FRY: variants seen among roughly 807,000 people sequenced by gnomAD.
FRY encodes protein furry homolog.
A neutral mutation model predicts 348.4 loss-of-function variants in FRY; 128 were observed. The ratio of observed to expected loss-of-function variants is 0.37; its 90% CI spans 0.32 to 0.43. FRY has a LOEUF of 0.43. Ranked by LOEUF, FRY falls within the 20% of genes least tolerant of loss-of-function variation. The pLI is 1.00. For missense variants in FRY, 2,736 were observed against 3,695.2 expected, an observed-to-expected ratio of 0.74 and a Z score of 6.73; for synonymous variants, 1,370 against 1,374.7, an observed-to-expected ratio of 1.00 and a Z score of 0.08.
intron 13 of FRY, 58 bp downstream of exon 13, chr13:32,148,005 CCTT>C (rs1466455721): frequency 1.0e-6 from 1 of 956,144 alleles, no homozygotes; most frequent in Non-Finnish European, 1.7e-6. Context: ...CAGCCAGCCT[CCTT>C]CTTATGAAGT....
intron 49 of FRY, 69 bp downstream of exon 49, chr13:32,249,756 A>T: frequency 7.2e-7 from 1 of 1,395,116 alleles, no homozygotes; most frequent in Non-Finnish European, 1.0e-6. Flanking sequence ...TGGCTGGGTC[A>T]TAAGGGATTC....
At chr13:32,051,355 A>G (rs1201244528) in intron 1 of FRY, among the ~76,000 whole-genome samples, 3 of 152,186 alleles carry the variant, frequency 2.0e-5, no homozygotes, top group Non-Finnish European at 2.9e-5. Flanking sequence ...GGGAGTGGTG[A>G]GATGACTGGC....
chr13:32,255,444 G>A (rs1455534408), intron 51 of FRY, among the ~76,000 whole-genome samples: 1 of 152,186 alleles, frequency 6.6e-6, no homozygotes, highest in Admixed American at 6.5e-5. Context: ...TGAAGCCAAA[G>A]AGCCCTTTGC....
chr13:32,271,371 T>C (rs887829543), intron 55 of FRY, among the ~76,000 whole-genome samples: 3 of 152,182 alleles, frequency 2.0e-5, no homozygotes, highest in Admixed American at 6.6e-5. Flanking sequence ...AGACTACTTA[T>C]GAGAGCTCAC....
chr13:32,245,330 G>T (rs1446208164), intron 47 of FRY, among the ~76,000 whole-genome samples: 2 of 151,912 alleles, frequency 1.3e-5, no homozygotes, highest in Non-Finnish European at 2.9e-5. Flanking sequence ...TCAAGGCCAG[G>T]TGCAGTGGCT....
At chr13:32,235,969 T>A in intron 42 of FRY, 109 bp from the exon 43 acceptor site, 1 of 847,578 alleles carries the variant, frequency 1.2e-6, no homozygotes, top group South Asian at 1.4e-5. Flanking sequence ...CTTCATAAAT[T>A]AAAGCAGCAA....
intron 36 of FRY, among the ~76,000 whole-genome samples, chr13:32,219,051 C>A (rs1885163987): frequency 1.3e-5 from 2 of 150,520 alleles, no homozygotes; most frequent in Admixed American, 1.3e-4. Context: ...ATTCAAACTA[C>A]CATCCACTCC....
chr13:32,066,761 C>G (rs534136941), intron 1 of FRY, among the ~76,000 whole-genome samples: 1 of 152,178 alleles, frequency 6.6e-6, no homozygotes, highest in Non-Finnish European at 1.5e-5. Context: ...TTCCAGAAAC[C>G]CACTGGCTCC....
intron 57 of FRY, among the ~76,000 whole-genome samples, chr13:32,277,696 T>G (rs566832717): frequency 4.6e-5 from 7 of 152,390 alleles, no homozygotes; most frequent in African/African-American, 1.4e-4. Flanking sequence ...ATTGCTGTTA[T>G]TGATGTTATC....
At position 32,131,739 on chromosome 13, in the gene FRY, T is replaced by C. The variant is rs866302626; in HGVS notation, c.784T>C (p.Tyr262His). 6.2e-7 allele frequency: 1 copy of C among 1,612,732 alleles called. No individual in the cohort carries two copies. Among genetic ancestry groups the C allele is most frequent in the Admixed American group, 1.7e-5 (1 of 60,006 alleles). The change falls in exon 8 of 61, where the codon TAT becomes CAT. Residue 262 changes from tyrosine to histidine, a missense_variant. Physicochemically the swap from Tyr to His is moderately conservative, Grantham distance 83. Coordinates refer to ENST00000542859, the MANE Select transcript of FRY (RefSeq NM_023037.3). The stretch of plus-strand genomic sequence containing the variant: ...ATTACGGCACAAAGAGCAGAACCCA[T>C]ATGTGGTTCAAAGCATTATCAGCTT... The part of the protein sequence containing the change: ...KELRHKEQNP[Y>H]VVQSIISLIM...
At chr13:32,054,103 G>T (rs771765919) in intron 1 of FRY, among the ~76,000 whole-genome samples, 64 of 152,132 alleles carry the variant, frequency 4.2e-4, no homozygotes, top group Non-Finnish European at 6.5e-4. Flanking sequence ...AACTCCCATT[G>T]TCAGGTTAAT....
Position 32,237,949 on chromosome 13 carries a change from G to C in FRY, c.6381G>C (p.Val2127=), listed in dbSNP as rs940098364. 1.2e-6 allele frequency: 2 copies of C among 1,614,066 alleles called. No homozygotes were observed. Among genetic ancestry groups the C allele is most frequent in the Non-Finnish European group, 1.7e-6 (2 of 1,180,020 alleles). ...TLQLFSLLTP[V]SKISMVDASH... ...AGCTCTTCAGTCTGCTGACACCAGT[G>C]TCCAAAATATCCATGGTGGATGCAT... is the stretch of plus-strand genomic sequence containing the variant. The change falls in exon 44 of 61, where the codon GTG becomes GTC. Residue 2127 remains valine (V), a synonymous_variant. Transcript: ENST00000542859. The surrounding 1 kb of genome is among the most constrained non-coding windows in gnomAD (Gnocchi z 6.3).
At chr13:32,175,784 G>T in intron 20 of FRY, 152 bp downstream of exon 20, 1 of 644,774 alleles carries the variant, frequency 1.6e-6, no homozygotes, top group East Asian at 2.8e-5. Flanking sequence ...TAGTTTTTCA[G>T]ATGTTAATTT....
At chr13:32,110,640 C>T (rs1438174024) in intron 3 of FRY, among the ~76,000 whole-genome samples, 1 of 151,870 alleles carries the variant, frequency 6.6e-6, no homozygotes, top group Non-Finnish European at 1.5e-5. Context: ...TTTCACATAC[C>T]TTCCAGCTAC....
chr13:32,200,035 G>A (rs1477887720), intron 29 of FRY, among the ~76,000 whole-genome samples: 1 of 152,186 alleles, frequency 6.6e-6, no homozygotes, highest in Non-Finnish European at 1.5e-5. Flanking sequence ...GCTTCACATG[G>A]CAGGAGAGTT....
intron 26 of FRY, among the ~76,000 whole-genome samples, chr13:32,185,547 A>G (rs1241634472): frequency 1.3e-5 from 2 of 152,184 alleles, no homozygotes; most frequent in Non-Finnish European, 2.9e-5. Context: ...TACCCTACCA[A>G]CACATTAAAT....
intron 39 of FRY, 68 bp downstream of exon 39, chr13:32,226,042 C>T (rs1475545676): frequency 3.7e-5 from 51 of 1,384,810 alleles, no homozygotes; most frequent in Non-Finnish European, 4.3e-5. Context: ...CTGCGGGTGC[C>T]AGTGGAGCCC....
Position 32,062,405 on chromosome 13 carries a change from G to A in FRY, c.71-16429G>A, listed in dbSNP as rs1224456446. On this transcript the variant is annotated intron_variant, in intron 1 of 60. Transcript: ENST00000542859. ...CATGTTGACTCCTTTTTCACTCATT[G>A]CCTTTCTTGCTCATAATAAAGTTTA... Among the ~76,000 whole-genome samples the A allele has an allele frequency of 2.6e-5, 4 of 151,976 alleles. No individual in the cohort carries two copies. In the East Asian group the frequency reaches 7.7e-4, roughly 29 times the overall value.
At chr13:32,197,585 A>G (rs1883750361) in intron 29 of FRY, among the ~76,000 whole-genome samples, 1 of 152,202 alleles carries the variant, frequency 6.6e-6, no homozygotes, top group South Asian at 2.1e-4. Context: ...CCACTAGTAA[A>G]ATAGGGCTGA....
Sources: allele counts gnomAD v4.1 joint callset (sites outside exome capture counted in the v4.1 genomes callset), GRCh38; gene constraint gnomAD v4.1.1; non-coding constraint Gnocchi (gnomAD v3.1); transcripts MANE v1.5; gene names NCBI Gene and HGNC (gene_info 2026-07-23, HGNC 2026-07-21).